Variants in NCOA4 observed in about 807,000 individuals in gnomAD.
NCOA4 encodes 70 kDa AR-activator.
NCOA4 carries 31 observed loss-of-function variants against 69.5 expected under a neutral mutation model. The ratio of observed to expected loss-of-function variants is 0.45; its 90% confidence interval spans 0.34 to 0.60. The LOEUF (loss-of-function observed/expected upper bound fraction) is 0.60. Ranked by LOEUF, NCOA4 falls within the 20% of genes least tolerant of loss-of-function variation. NCOA4 has a pLI of 0.02. For missense variants in NCOA4, 600 were observed against 719.2 expected (o/e 0.83, Z 1.90); for synonymous variants, 228 against 252.4 (o/e 0.90, Z 0.92).
intron 2 of NCOA4, 100 bp from the exon 3 acceptor site, chr10:46,015,366 T>G (rs1554922988): frequency 4.5e-6 from 2 of 448,624 alleles, no homozygotes; most frequent in Non-Finnish European, 8.6e-6. Context: ...GGGGGTGGGG[T>G]TGGGGGGACC....
In NCOA4 at chr10:46,015,248, T is replaced by A. The variant is rs1476110671; in HGVS notation, c.160A>T (p.Ser54Cys). The A allele has an allele frequency of 6.2e-7, 1 of 1,613,550 alleles. No individual in the cohort carries two copies. Among genetic ancestry groups the A allele is most frequent in the Non-Finnish European group, 8.5e-7 (1 of 1,179,986 alleles). The change falls in exon 3 of 10, where the codon AGT becomes TGT. Residue 54 changes from serine (S) to cysteine (C), a missense_variant. Coordinates refer to ENST00000581486, the MANE Select transcript of NCOA4 (RefSeq NM_001145263.2). ...CATTCCAGGTGACGGCTTATGCAACTGTGAATCTGAGCTTTGACCTAGGAA... is the reference window on the plus strand; with the variant it reads ...CATTCCAGGTGACGGCTTATGCAACAGTGAATCTGAGCTTTGACCTAGGAA... Reference protein sequence around the residue: ...NLREVKAQIHSCISRHLECLR... With the variant: ...NLREVKAQIHCCISRHLECLR...
At chr10:46,008,697 A>G (rs1349237707) in intron 9 of NCOA4, among the ~76,000 whole-genome samples, 1 of 152,254 alleles carries the variant, frequency 6.6e-6, no homozygotes, top group African/African-American at 2.4e-5. Flanking sequence ...GTTTGACTCC[A>G]ATTTTGAAAG....
chr10:46,013,047 A>C, intron 6 of NCOA4, 21 bp from the exon 7 acceptor site: 1 of 1,612,714 alleles, frequency 6.2e-7, no homozygotes. Context: ...CAAAACAAGG[A>C]ATGTCAAATG....
At chr10:46,012,044 G>C in intron 7 of NCOA4, among the ~76,000 whole-genome samples, 1 of 114,372 alleles carries the variant, frequency 8.7e-6, no homozygotes, top group East Asian at 2.9e-4. Context: ...CTGGGAGACA[G>C]AGCAAGACTC....
rs200626549 is a variant in NCOA4, at chr10:46,014,536, G to C, written c.388C>G (p.Leu130Val). 2 of 1,612,132 alleles carry C rather than the reference G, an allele frequency of 1.2e-6. No individual in the cohort carries two copies. The highest frequency in any genetic ancestry group is 1.3e-5 in the African/African-American group (1 of 74,882). ...VCLERLGSLTLKPEDSTVLLF... is the reference protein window; with the variant it reads ...VCLERLGSLTVKPEDSTVLLF... ...AGGACAGTTGAATCTTCAGGCTTAA[G>C]GGTCAAACTGCCCAGTCTGGGGAAA... is the stretch of plus-strand genomic sequence containing the variant. The change falls in exon 5 of 10, where the codon CTT (leucine) becomes GTT (valine). Residue 130 changes from leucine to valine, a missense_variant. Physicochemically the swap from Leu to Val is conservative, Grantham distance 32. Coordinates refer to ENST00000581486, the MANE Select transcript of NCOA4 (RefSeq NM_001145263.2).
At chr10:46,012,619 C>T (rs1230928817) in intron 7 of NCOA4, among the ~76,000 whole-genome samples, 1 of 151,946 alleles carries the variant, frequency 6.6e-6, no homozygotes, top group Non-Finnish European at 1.5e-5. Context: ...TATATAAATA[C>T]TTCACTTTTA....
At position 46,010,850 on chromosome 10, in the gene NCOA4, A is replaced by C. The variant is rs1554921207; in HGVS notation, c.1071T>G (p.Gly357=). The change falls in exon 8 of 10, where the codon GGT becomes GGG. Residue 357 remains glycine (G), a synonymous_variant. Coordinates refer to ENST00000581486, the MANE Select transcript of NCOA4 (RefSeq NM_001145263.2). ...GATTGCCCAGGTTTTCAATCTCCAC[A>C]CCTTTGGGCTGGTTTCCCTGACAGT... ...CTNCQGNQPK[G]VEIENLGNLK... is the part of the protein sequence containing the mutation. The C allele has an allele frequency of 6.2e-7, 1 of 1,613,832 alleles. No homozygotes were observed. Among genetic ancestry groups the C allele is most frequent in the Admixed American group, 1.7e-5 (1 of 60,002 alleles).
intron 7 of NCOA4, among the ~76,000 whole-genome samples, chr10:46,012,608 G>C (rs1178239676): frequency 6.6e-6 from 1 of 151,940 alleles, no homozygotes; most frequent in Non-Finnish European, 1.5e-5. Context: ...GAAAACTGAA[G>C]TATATAAATA....
intron 1 of NCOA4, among the ~76,000 whole-genome samples, chr10:46,025,228 T>C (rs1554925322): frequency 1.3e-5 from 2 of 152,212 alleles, no homozygotes. Flanking sequence ...CCTGGAGTTC[T>C]GTTGTCCAAA....
chr10:46,028,539 T>TAAA lies in NCOA4; in HGVS notation c.-15+1984_-15+1986dup, dbSNP rs61255702. Among the ~76,000 whole-genome samples, 360 of 130,782 alleles carry TAAA rather than the reference T, an allele frequency of 2.8e-3. 2 individuals are homozygous for TAAA. The highest frequency in any genetic ancestry group is 9.6e-3 in the African/African-American group (340 of 35,462). The allele number at this position is 130,782 out of a possible 152,430, so 85.8% of individuals were successfully genotyped here. On this transcript the variant is annotated intron_variant, in intron 1 of 9. Coordinates refer to ENST00000581486, the MANE Select transcript of NCOA4 (RefSeq NM_001145263.2). Reference sequence around the variant, plus strand: ...AGTGGCTATTATCATCACCATTAATTAAAAAAAAAAAAAAAGCAGACTTGA... The same window carrying TAAA: ...AGTGGCTATTATCATCACCATTAATTAAAAAAAAAAAAAAAAAAGCAGACTTGA...
chr10:46,013,578 T>G lies in NCOA4; in HGVS notation c.542A>C (p.Lys181Thr), dbSNP rs1554922315. ...SSANIGPFLE[K>T]RGCISMPEQK... ...CTCTGGCATGGAGATACAGCCTCTC[T>G]TCTCCAGGAAGGGCCCAATATTTGC... The change falls in exon 6 of 10, where the codon AAG becomes ACG. Residue 181 changes from lysine (K) to threonine (T), a missense_variant. Transcript: ENST00000581486. 1.9e-6 allele frequency: 3 copies of G among 1,613,270 alleles called. No individual in the cohort carries two copies. The highest frequency in any genetic ancestry group is 2.2e-5 in the South Asian group (2 of 90,984).
intron 5 of NCOA4, among the ~76,000 whole-genome samples, chr10:46,013,899 T>A (rs1839379265): frequency 6.6e-6 from 1 of 152,206 alleles, no homozygotes; most frequent in Non-Finnish European, 1.5e-5. Context: ...TTAAAAACTA[T>A]TCAAGCCATA....
At chr10:46,025,776 G>C (rs1840129051) in intron 1 of NCOA4, among the ~76,000 whole-genome samples, 1 of 152,132 alleles carries the variant, frequency 6.6e-6, no homozygotes, top group African/African-American at 2.4e-5. Context: ...ATCTGTATGG[G>C]TTTCCGGCAG....
At chr10:46,011,327 GCA>G in intron 7 of NCOA4, 121 bp from the exon 8 acceptor site, 1 of 971,422 alleles carries the variant, frequency 1.0e-6, no homozygotes. Context: ...GAGTGCGGTG[GCA>G]CAATCTCAGC....
At chr10:46,006,636 G>A in intron 9 of NCOA4, 39 bp from the exon 10 acceptor site, 2 of 1,612,462 alleles carry the variant, frequency 1.2e-6, no homozygotes, top group African/African-American at 2.7e-5. Context: ...TTACTTCAAT[G>A]AAGAATAAAA....
intron 1 of NCOA4, among the ~76,000 whole-genome samples, chr10:46,025,711 T>C (rs1840124083): frequency 1.3e-5 from 2 of 152,216 alleles, no homozygotes; most frequent in Non-Finnish European, 2.9e-5. Context: ...AGCACCTCAC[T>C]CCTCAATACT....
At chr10:46,017,819 A>G (rs1369308647) in intron 1 of NCOA4, among the ~76,000 whole-genome samples, 1 of 152,250 alleles carries the variant, frequency 6.6e-6, no homozygotes, top group African/African-American at 2.4e-5. Flanking sequence ...GTGTCAGTAA[A>G]GCCATAACGT....
intron 7 of NCOA4, among the ~76,000 whole-genome samples, chr10:46,011,775 C>T (rs1471475811): frequency 3.3e-5 from 5 of 151,494 alleles, no homozygotes; most frequent in Admixed American, 1.3e-4. Context: ...AATACTTGGC[C>T]GGGTACGGTG....
intron 5 of NCOA4, 35 bp downstream of exon 5, chr10:46,014,409 G>A: frequency 6.9e-7 from 1 of 1,443,476 alleles, no homozygotes. Flanking sequence ...CCACAGATAT[G>A]AGAAGTGCCC....
Sources: gnomAD v4.1 joint callset for allele counts (sites outside exome capture counted in the v4.1 genomes callset) on GRCh38, gnomAD v4.1.1 for gene constraint, MANE v1.5 for transcripts, NCBI Gene and HGNC (gene_info 2026-07-23, HGNC 2026-07-21) for gene names.